The following PANX1 variants were observed in gnomAD, a reference collection of about 807,000 sequenced individuals.
The protein encoded by PANX1 is pannexin-1.
In PANX1, 30 loss-of-function variants were observed where a neutral mutation model predicts 38.7. The observed-to-expected ratio is 0.78, with a 90% CI of 0.58 to 1.05. The LOEUF (loss-of-function observed/expected upper bound fraction) is 1.05, where lower values mean the gene tolerates loss of function less well. Among genes scored for constraint, PANX1 ranks in the 50% least tolerant of loss-of-function variants. The pLI, the probability that PANX1 is intolerant of heterozygous loss-of-function variation, is 0.00. For synonymous variants in PANX1, 230 were observed against 212.2 expected (o/e 1.08, Z -0.73); for missense variants, 551 against 517.2 (o/e 1.07, Z -0.63).
rs772158311 is a variant in PANX1, at chr11:94,129,285, T to G, written c.-28T>G. The G allele has an allele frequency of 6.3e-7, 1 of 1,586,686 alleles. No homozygotes were observed. The highest frequency in any genetic ancestry group is 1.7e-5 in the Admixed American group (1 of 58,976). On this transcript the variant is annotated 5_prime_UTR_variant, in exon 1 of 5. Transcript: ENST00000227638. Reference sequence around the variant, plus strand: ...TCCCGACGCCGGCTGTACCCGGACCTCCTGGTCGAGCCTGGCGCGCCGCAG... The same window carrying G: ...TCCCGACGCCGGCTGTACCCGGACCGCCTGGTCGAGCCTGGCGCGCCGCAG...
chr11:94,161,152 T>A lies in PANX1; in HGVS notation c.321+7522T>A, dbSNP rs1018591694. Among the ~76,000 whole-genome samples, 48 of 152,236 alleles carry A rather than the reference T, an allele frequency of 3.2e-4. 1 individual carries two copies. Among genetic ancestry groups the A allele is most frequent in the African/African-American group, 1.4e-4 (6 of 41,468 alleles). On this transcript the variant is annotated intron_variant, in intron 2 of 4. Transcript: ENST00000227638. ...ACCCCACCTTTCTCTCTGGCTGCCC[T>A]TAACATTTTTTCCTTCATTTCAACT... is the stretch of plus-strand genomic sequence containing the variant.
chr11:94,166,789 A>G (rs1947105133), intron 2 of PANX1, among the ~76,000 whole-genome samples: 1 of 152,082 alleles, frequency 6.6e-6, no homozygotes, highest in Non-Finnish European at 1.5e-5. Flanking sequence ...TCCTTTGCCC[A>G]AGTTGAAAGA....
In PANX1 at chr11:94,165,544, A is replaced by G. The variant is rs533771504; in HGVS notation, c.321+11914A>G. ...TTTTTATTTTTTGTGTATCTATTATAGGCTTTTACTTTGTTTGCCATGAGG... is the reference window on the plus strand; with the variant it reads ...TTTTTATTTTTTGTGTATCTATTATGGGCTTTTACTTTGTTTGCCATGAGG... On this transcript the variant is annotated intron_variant, in intron 2 of 4. Coordinates refer to ENST00000227638, the MANE Select transcript of PANX1 (RefSeq NM_015368.4). 1.2e-4 allele frequency among the ~76,000 whole-genome samples: 18 copies of G among 152,328 alleles called. No homozygotes were observed. In the South Asian group the frequency reaches 2.7e-3, roughly 23 times the overall value.
rs1480662733 is a variant in PANX1 at position 94,128,872 on chromosome 11, G to C, written c.-441G>C. 3 of 153,528 alleles carry C rather than the reference G, an allele frequency of 2.0e-5. No homozygotes were observed. In the Admixed American group the frequency reaches 2.0e-4, roughly 10 times the overall value. 9.5% of individuals were successfully genotyped at this position (153,528 alleles called of 1,614,324 possible). ...GGTTTCCCCGCATGGTTCCGGAAGA[G>C]CGCGGCGCAGCTGGCTGTGAGCGCA... On this transcript the variant is annotated 5_prime_UTR_variant, in exon 1 of 5. Coordinates refer to ENST00000227638, the MANE Select transcript of PANX1 (RefSeq NM_015368.4).
chr11:94,132,403 G>T (rs4073613), intron 1 of PANX1, among the ~76,000 whole-genome samples: 66,588 of 151,812 alleles, frequency 0.44, 15,631 homozygotes, highest in Admixed American at 0.58. Context: ...GAGTTTCAGG[G>T]CAGAGTTGGC....
intron 1 of PANX1, among the ~76,000 whole-genome samples, chr11:94,144,314 G>T (rs1946801742): frequency 6.6e-6 from 1 of 152,000 alleles, no homozygotes; most frequent in African/African-American, 2.4e-5. Flanking sequence ...GACCAGTCTG[G>T]GGTTGCTGCA....
Position 94,129,351 on chromosome 11 carries a change from G to A in PANX1, c.39G>A (p.Ser13=), listed in dbSNP as rs1414641717. The A allele has an allele frequency of 6.2e-7, 1 of 1,613,714 alleles. No homozygotes were observed. The highest frequency in any genetic ancestry group is 1.7e-5 in the Admixed American group (1 of 59,976). ...AACTGGCCACGGAGTACGTGTTCTC[G>A]GATTTCTTGCTGAAGGAGCCCACGG... ...IAQLATEYVF[S]DFLLKEPTEP... Residue 13 remains serine, a synonymous_variant, in exon 1 of 5, where the codon TCG becomes TCA. Coordinates refer to ENST00000227638, the MANE Select transcript of PANX1 (RefSeq NM_015368.4).
At position 94,181,312 on chromosome 11, in the gene PANX1, G is replaced by C. The variant is rs13655; in HGVS notation, c.*443G>C. ...ATAATTTAACGTGAGTTTCTTATGT[G>C]CCCTTAAAGACTGTTAGACAAGAAA... On this transcript the variant is annotated 3_prime_UTR_variant, in exon 5 of 5. Transcript: ENST00000227638. 0.096 allele frequency: 15,349 copies of C among 159,958 alleles called. 860 individuals carry two copies. Among genetic ancestry groups the C allele is most frequent in the Admixed American group, 0.14 (2,259 of 16,520 alleles). 9.9% of individuals were successfully genotyped at this position (159,958 alleles called of 1,614,324 possible). A position where few individuals can be genotyped will look rare whatever the true frequency, so the allele number is the denominator to read the frequency against.
chr11:94,157,139 TG>T (rs1565378837), intron 2 of PANX1, among the ~76,000 whole-genome samples: 3 of 152,170 alleles, frequency 2.0e-5, no homozygotes. Context: ...GTTGGACATT[TG>T]GGTTGGTTCC....
intron 1 of PANX1, among the ~76,000 whole-genome samples, chr11:94,152,963 A>T (rs1380032806): frequency 1.3e-5 from 2 of 152,214 alleles, no homozygotes; most frequent in African/African-American, 4.8e-5. Flanking sequence ...TTTCTTCTTT[A>T]GTGTTACAGG....
intron 1 of PANX1, among the ~76,000 whole-genome samples, chr11:94,152,791 C>G (rs917108650): frequency 6.6e-6 from 1 of 152,216 alleles, no homozygotes; most frequent in African/African-American, 2.4e-5. Flanking sequence ...AGGAGAAAAC[C>G]AAGTCCCAGA....
chr11:94,141,640 C>T (rs1362671909), intron 1 of PANX1, among the ~76,000 whole-genome samples: 2 of 152,052 alleles, frequency 1.3e-5, no homozygotes, highest in Admixed American at 1.3e-4. Context: ...CTTCTGAGCC[C>T]TCTGTTTCCT....
At chr11:94,166,202 A>C (rs1947100180) in intron 2 of PANX1, among the ~76,000 whole-genome samples, 2 of 152,168 alleles carry the variant, frequency 1.3e-5, no homozygotes, top group African/African-American at 4.8e-5. Flanking sequence ...TACCACAATT[A>C]CAGTGTTAGA....
chr11:94,175,533 C>T (rs1384745563), intron 2 of PANX1, among the ~76,000 whole-genome samples: 1 of 151,824 alleles, frequency 6.6e-6, no homozygotes, highest in Non-Finnish European at 1.5e-5. Context: ...AGTGAAATGC[C>T]ATTATTCAAA....
intron 2 of PANX1, among the ~76,000 whole-genome samples, chr11:94,156,136 G>A (rs1291660102): frequency 6.6e-6 from 1 of 152,124 alleles, no homozygotes; most frequent in Non-Finnish European, 1.5e-5. Flanking sequence ...TTATCCAGAT[G>A]TATTTTACAT....
At chr11:94,147,145 T>G (rs1358082448) in intron 1 of PANX1, among the ~76,000 whole-genome samples, 1 of 152,118 alleles carries the variant, frequency 6.6e-6, no homozygotes, top group Non-Finnish European at 1.5e-5. Flanking sequence ...TCTGAAAAAA[T>G]TTTCAAAATA....
intron 2 of PANX1, among the ~76,000 whole-genome samples, chr11:94,156,609 A>G (rs1946951326): frequency 6.6e-6 from 1 of 152,134 alleles, no homozygotes; most frequent in South Asian, 2.1e-4. Flanking sequence ...ATCGGGGATT[A>G]CGAGTGTCTG....
At chr11:94,149,444 T>TCCA in intron 1 of PANX1, among the ~76,000 whole-genome samples, 1 of 152,268 alleles carries the variant, frequency 6.6e-6, no homozygotes, top group South Asian at 2.1e-4. Context: ...GTGGCATGGA[T>TCCA]TGCCACAGAC....
chr11:94,152,529 G>C (rs2134492939), intron 1 of PANX1, among the ~76,000 whole-genome samples: 1 of 152,274 alleles, frequency 6.6e-6, no homozygotes, highest in African/African-American at 2.4e-5. Context: ...TGACCCCTAT[G>C]CCTGTGACAC....
Sources: gnomAD v4.1 joint callset for allele counts (sites outside exome capture counted in the v4.1 genomes callset) on GRCh38, gnomAD v4.1.1 for gene constraint, MANE v1.5 for transcripts, NCBI Gene and HGNC (gene_info 2026-07-23, HGNC 2026-07-21) for gene names.